The following DLC1 variants were observed in gnomAD, a reference collection of about 807,000 sequenced individuals.
DLC1 encodes rho GTPase-activating protein 7.
In DLC1, 54 loss-of-function variants were observed where a neutral mutation model predicts 140.3. That is an observed-to-expected ratio of 0.38 (90% confidence interval 0.31 to 0.48). DLC1 has a LOEUF of 0.48. Ranked by LOEUF, DLC1 falls within the 20% of genes least tolerant of loss-of-function variation. DLC1 has a pLI of 0.96. For synonymous variants in DLC1, 986 were observed against 728.1 expected (o/e 1.35, Z -5.70); for missense variants, 2,536 against 1,907.0 (o/e 1.33, Z -6.14).
At chr8:13,280,706 CTGTTGCTGA>C (rs2117422627) in intron 5 of DLC1, among the ~76,000 whole-genome samples, 2 of 152,258 alleles carry the variant, frequency 1.3e-5, no homozygotes, top group Admixed American at 1.3e-4. Context: ...CTTATGGCCA[CTGTTGCTGA>C]TGAAAATCAT....
At chr8:13,405,168 G>C (rs1049557635) in intron 2 of DLC1, among the ~76,000 whole-genome samples, 1 of 151,792 alleles carries the variant, frequency 6.6e-6, no homozygotes, top group Admixed American at 6.6e-5. Flanking sequence ...TTCAGACTCA[G>C]AACTGCATGT....
In DLC1 at chr8:13,437,603, C is replaced by T. The variant is rs1839182763; in HGVS notation, c.1024-35984G>A. ...TGGCTATGCCTGAGGCTATGAAGGTCGGTCCACATGCTTACATATGGAGAA... is the reference window on the plus strand; with the variant it reads ...TGGCTATGCCTGAGGCTATGAAGGTTGGTCCACATGCTTACATATGGAGAA... On this transcript the variant is annotated intron_variant, in intron 2 of 17. Transcript: ENST00000276297. Among the ~76,000 whole-genome samples, 5 of 152,252 alleles carry T rather than the reference C, an allele frequency of 3.3e-5. No homozygotes were observed. In the South Asian group the frequency reaches 8.3e-4, roughly 25 times the overall value.
chr8:13,159,808 A>T (rs1234501747), intron 5 of DLC1, among the ~76,000 whole-genome samples: 3 of 151,636 alleles, frequency 2.0e-5, no homozygotes, highest in Non-Finnish European at 4.4e-5. Flanking sequence ...AAGTGGCAAG[A>T]AGCAAGAAGG....
chr8:13,193,131 C>G lies in DLC1; in HGVS notation c.1349-77474G>C, dbSNP rs1330376466. ...AAGTCTTCCTTATGGAGAGACCTCT[C>G]AATCTTAGAACACACTGACACCTAT... On this transcript the variant is annotated intron_variant, in intron 5 of 17. Coordinates refer to ENST00000276297, the MANE Select transcript of DLC1 (RefSeq NM_182643.3). Among the ~76,000 whole-genome samples the G allele has an allele frequency of 2.6e-5, 4 of 152,146 alleles. No homozygotes were observed. The South Asian group carries it at 8.3e-4, about 32-fold the overall frequency.
chr8:13,170,456 C>A (rs566689733), intron 5 of DLC1, among the ~76,000 whole-genome samples: 2 of 152,102 alleles, frequency 1.3e-5, no homozygotes, highest in Admixed American at 1.3e-4. Flanking sequence ...CCGGGCCGGG[C>A]GCGGTGGCTC....
intron 3 of DLC1, among the ~76,000 whole-genome samples, chr8:13,394,947 A>G (rs941982356): frequency 1.3e-5 from 2 of 151,196 alleles, no homozygotes; most frequent in African/African-American, 2.4e-5. Flanking sequence ...ACTCCCTTCA[A>G]CCTCTATAAC....
intron 4 of DLC1, among the ~76,000 whole-genome samples, chr8:13,342,994 T>C (rs1365359634): frequency 6.6e-6 from 1 of 152,178 alleles, no homozygotes. Flanking sequence ...AAACAGTAAT[T>C]TCTGACTGCT....
At chr8:13,290,673 A>G (rs1831722191) in intron 5 of DLC1, among the ~76,000 whole-genome samples, 1 of 152,178 alleles carries the variant, frequency 6.6e-6, no homozygotes, top group Non-Finnish European at 1.5e-5. Flanking sequence ...TGTTTGGGGG[A>G]AAAGTGCCAA....
intron 5 of DLC1, among the ~76,000 whole-genome samples, chr8:13,145,546 T>C (rs1823360667): frequency 6.6e-6 from 1 of 152,216 alleles, no homozygotes; most frequent in Non-Finnish European, 1.5e-5. Flanking sequence ...AGGGAAACTG[T>C]TTCTTTAGAG....
intron 5 of DLC1, among the ~76,000 whole-genome samples, chr8:13,264,573 A>G (rs1257822771): frequency 6.6e-6 from 1 of 152,112 alleles, no homozygotes; most frequent in Non-Finnish European, 1.5e-5. Context: ...AGGACTGGAG[A>G]ACTTCAGGGG....
chr8:13,184,995 A>G (rs1470475296), intron 5 of DLC1, among the ~76,000 whole-genome samples: 1 of 152,090 alleles, frequency 6.6e-6, no homozygotes, highest in Non-Finnish European at 1.5e-5. Flanking sequence ...TATTGGGTGC[A>G]TATATATTTA....
intron 1 of DLC1, among the ~76,000 whole-genome samples, chr8:13,538,810 C>G (rs146111297): frequency 6.6e-6 from 1 of 152,224 alleles, no homozygotes; most frequent in Non-Finnish European, 1.5e-5. Context: ...AATAACCTCA[C>G]TGTATGTGAG....
At chr8:13,144,408 C>G (rs539610937) in intron 5 of DLC1, among the ~76,000 whole-genome samples, 15 of 152,280 alleles carry the variant, frequency 9.9e-5, no homozygotes, top group African/African-American at 3.6e-4. Flanking sequence ...GGTTCTCCAC[C>G]TTGCGGATGG....
intron 2 of DLC1, among the ~76,000 whole-genome samples, chr8:13,410,527 C>T (rs1837738286): frequency 6.6e-6 from 1 of 152,068 alleles, no homozygotes; most frequent in Non-Finnish European, 1.5e-5. Flanking sequence ...CGCAAGACCA[C>T]TCTTGTCCTC....
At chr8:13,600,140 G>A (rs914320234) in intron 1 of DLC1, among the ~76,000 whole-genome samples, 1 of 151,864 alleles carries the variant, frequency 6.6e-6, no homozygotes, top group Non-Finnish European at 1.5e-5. Flanking sequence ...AAAATTCTGA[G>A]TATAAGGGGC....
intron 13 of DLC1, among the ~76,000 whole-genome samples, chr8:13,091,691 C>T (rs539069543): frequency 1.3e-5 from 2 of 152,196 alleles, no homozygotes; most frequent in South Asian, 2.1e-4. Flanking sequence ...TAGGTTCCTA[C>T]TGGGAACAGG....
intron 5 of DLC1, among the ~76,000 whole-genome samples, chr8:13,143,601 G>A (rs1297107661): frequency 6.7e-6 from 1 of 148,308 alleles, no homozygotes; most frequent in Admixed American, 6.9e-5. Context: ...AATTACAGGT[G>A]TGCACCATCA....
At chr8:13,268,497 A>G (rs1395346409) in intron 5 of DLC1, among the ~76,000 whole-genome samples, 2 of 151,954 alleles carry the variant, frequency 1.3e-5, no homozygotes, top group Non-Finnish European at 2.9e-5. Context: ...TAACCCTCCC[A>G]CCTCAGCTTC....
chr8:13,364,018 G>A (rs186161355), intron 4 of DLC1, among the ~76,000 whole-genome samples: 141 of 152,296 alleles, frequency 9.3e-4, no homozygotes, highest in African/African-American at 3.2e-3. Flanking sequence ...ATAGCAGGGA[G>A]AGGTAGGGGT....
Sources: allele counts gnomAD v4.1 joint callset (sites outside exome capture counted in the v4.1 genomes callset), GRCh38; gene constraint gnomAD v4.1.1; transcripts MANE v1.5; gene names NCBI Gene and HGNC (gene_info 2026-07-23, HGNC 2026-07-21).